Variants in SMYD3 observed in about 807,000 individuals in gnomAD.
SMYD3 encodes the protein histone-lysine N-methyltransferase SMYD3.
A neutral mutation model predicts 57.7 loss-of-function variants in SMYD3; 36 were observed. That is an observed-to-expected ratio of 0.62 (90% CI 0.48 to 0.82). SMYD3 has a LOEUF of 0.82. SMYD3 is among the 40% of genes least tolerant of loss of function. The probability of loss-of-function intolerance (pLI) is 0.00; values close to 1 mark genes in which losing one functional copy is unlikely to be tolerated. For synonymous variants in SMYD3, 211 were observed against 195.0 expected (o/e 1.08, Z -0.68); for missense variants, 515 against 538.8 (o/e 0.96, Z 0.44).
At chr1:245,932,578 G>C (rs1558508259) in intron 5 of SMYD3, among the ~76,000 whole-genome samples, 1 of 152,086 alleles carries the variant, frequency 6.6e-6, no homozygotes, top group Non-Finnish European at 1.5e-5. Context: ...CCTTTTCTTA[G>C]AGACAAGGTC....
At chr1:245,817,959 T>A (rs896851773) in intron 10 of SMYD3, among the ~76,000 whole-genome samples, 6 of 152,192 alleles carry the variant, frequency 3.9e-5, no homozygotes, top group Non-Finnish European at 8.8e-5. Flanking sequence ...TGGAAACAAG[T>A]TGGAAAGCAC....
chr1:245,933,874 A>G lies in SMYD3; in HGVS notation c.532-3937T>C, dbSNP rs377148760. 4.4e-4 allele frequency among the ~76,000 whole-genome samples: 67 copies of G among 152,344 alleles called. 2 individuals carry two copies. In the South Asian group the frequency reaches 0.013, roughly 30 times the overall value. Reference sequence around the variant, plus strand: ...TGCAACGGTAAAAATCAGAACAGCCATAAGCAAACTCACAACCAATCAGAG... The same window carrying G: ...TGCAACGGTAAAAATCAGAACAGCCGTAAGCAAACTCACAACCAATCAGAG... On this transcript the variant is annotated intron_variant, in intron 5 of 11. Transcript: ENST00000490107.
At chr1:245,777,559 G>T (rs1179853793) in intron 10 of SMYD3, among the ~76,000 whole-genome samples, 1 of 152,106 alleles carries the variant, frequency 6.6e-6, no homozygotes, top group East Asian at 1.9e-4. Flanking sequence ...CTGGGAAATT[G>T]CATGTACACA....
At chr1:245,906,745 C>T (rs986923566) in intron 8 of SMYD3, among the ~76,000 whole-genome samples, 1 of 152,102 alleles carries the variant, frequency 6.6e-6, no homozygotes, top group African/African-American at 2.4e-5. Flanking sequence ...GCAAACTAAA[C>T]GTCCATCAGC....
intron 5 of SMYD3, among the ~76,000 whole-genome samples, chr1:246,190,398 A>C (rs2062714278): frequency 6.6e-6 from 1 of 152,100 alleles, no homozygotes; most frequent in South Asian, 2.1e-4. Flanking sequence ...CAGTCTGGCC[A>C]ATATGGTGAA....
chr1:246,344,500 T>C (rs1356718147), intron 2 of SMYD3, among the ~76,000 whole-genome samples: 1 of 152,226 alleles, frequency 6.6e-6, no homozygotes, highest in African/African-American at 2.4e-5. Context: ...TGTGGATGAA[T>C]ATTTCACTTG....
intron 10 of SMYD3, among the ~76,000 whole-genome samples, chr1:245,816,503 C>T (rs532239893): frequency 7.0e-6 from 1 of 143,514 alleles, no homozygotes; most frequent in African/African-American, 2.6e-5. Flanking sequence ...TATGAGAGGT[C>T]CCCTTCATCT....
In SMYD3 at chr1:246,112,919, C is replaced by T. The variant is rs549160569; in HGVS notation, c.532-182982G>A. On this transcript the variant is annotated intron_variant, in intron 5 of 11. Coordinates refer to ENST00000490107, the MANE Select transcript of SMYD3 (RefSeq NM_001167740.2). ...AATTTAGGCGGGGCACAGTGGCTCA[C>T]GCCTGTAATCCCAGCACTTTGGGAG... Among the ~76,000 whole-genome samples the T allele has an allele frequency of 3.9e-5, 6 of 152,250 alleles. No homozygotes were observed. The East Asian group carries it at 5.8e-4, about 15-fold the overall frequency.
At chr1:245,795,789 G>T (rs1279725287) in intron 10 of SMYD3, among the ~76,000 whole-genome samples, 2 of 152,052 alleles carry the variant, frequency 1.3e-5, no homozygotes, top group Non-Finnish European at 2.9e-5. Context: ...GCCAAGCACT[G>T]AACGCTCTTG....
At chr1:246,328,677 TTTTA>T (rs2065400564) in intron 4 of SMYD3, among the ~76,000 whole-genome samples, 2 of 151,578 alleles carry the variant, frequency 1.3e-5, no homozygotes, top group Admixed American at 6.6e-5. Context: ...TGTTTTTTTA[TTTTA>T]TTTATTTTTT....
intron 1 of SMYD3, among the ~76,000 whole-genome samples, chr1:246,463,550 G>T (rs1203374467): frequency 6.6e-6 from 1 of 151,126 alleles, no homozygotes; most frequent in Non-Finnish European, 1.5e-5. Flanking sequence ...AGGCACGGTG[G>T]CTCACGCCTG....
At chr1:245,788,198 G>C (rs1572337726) in intron 10 of SMYD3, among the ~76,000 whole-genome samples, 3 of 151,926 alleles carry the variant, frequency 2.0e-5, no homozygotes, top group Admixed American at 6.6e-5. Context: ...AAGGAGAATG[G>C]TGACCAGATT....
intron 5 of SMYD3, among the ~76,000 whole-genome samples, chr1:246,007,939 A>T (rs146490372): frequency 9.8e-5 from 15 of 152,346 alleles, no homozygotes; most frequent in African/African-American, 2.9e-4. Flanking sequence ...AATGACAGTA[A>T]TCAGTTAACA....
At chr1:246,092,011 A>AT (rs905878504) in intron 5 of SMYD3, among the ~76,000 whole-genome samples, 4 of 151,790 alleles carry the variant, frequency 2.6e-5, no homozygotes, top group African/African-American at 9.7e-5. Flanking sequence ...ATTTAACACA[A>AT]TTTTTTTTTA....
intron 1 of SMYD3, among the ~76,000 whole-genome samples, chr1:246,391,046 C>A (rs1196836100): frequency 6.6e-6 from 1 of 151,956 alleles, no homozygotes; most frequent in African/African-American, 2.4e-5. Flanking sequence ...CATGAATGTA[C>A]CAAACATTCA....
chr1:246,159,693 G>A (rs1350243889), intron 5 of SMYD3, among the ~76,000 whole-genome samples: 1 of 152,204 alleles, frequency 6.6e-6, no homozygotes, highest in African/African-American at 2.4e-5. Flanking sequence ...GGGATAATAG[G>A]TCCAGCTTGT....
At chr1:245,836,072 G>A (rs1240066876) in intron 10 of SMYD3, among the ~76,000 whole-genome samples, 5 of 152,110 alleles carry the variant, frequency 3.3e-5, no homozygotes, top group African/African-American at 7.2e-5. Flanking sequence ...CCACCCATCT[G>A]ACCCTCATAG....
chr1:246,364,208 G>A (rs1486619458), intron 1 of SMYD3, among the ~76,000 whole-genome samples: 2 of 138,010 alleles, frequency 1.4e-5, no homozygotes, highest in African/African-American at 2.7e-5. Flanking sequence ...TAATAAATGC[G>A]TGTGGTTGTA....
chr1:246,097,017 T>A (rs1039473766), intron 5 of SMYD3, among the ~76,000 whole-genome samples: 5 of 152,204 alleles, frequency 3.3e-5, no homozygotes, highest in African/African-American at 1.2e-4. Context: ...AACATAGACA[T>A]GCAATTTACA....
Sources: allele counts gnomAD v4.1 joint callset (sites outside exome capture counted in the v4.1 genomes callset), GRCh38; gene constraint gnomAD v4.1.1; transcripts MANE v1.5; gene names NCBI Gene and HGNC (gene_info 2026-07-23, HGNC 2026-07-21).